The following MASP1 variants were observed in gnomAD, a reference collection of about 807,000 sequenced individuals.
The protein encoded by MASP1 is mannan-binding lectin serine protease 1.
A neutral mutation model predicts 77.1 loss-of-function variants in MASP1; 59 were observed. The ratio of observed to expected loss-of-function variants is 0.77; its 90% CI spans 0.62 to 0.95. The LOEUF (loss-of-function observed/expected upper bound fraction) is 0.95. Among genes scored for constraint, MASP1 ranks in the 40% least tolerant of loss-of-function variants. MASP1 has a pLI of 0.00. For missense variants in MASP1, 885 were observed against 912.9 expected (o/e 0.97, Z 0.39); for synonymous variants, 362 against 354.5 (o/e 1.02, Z -0.24).
chr3:187,251,586 G>T (rs1372252805), intron 7 of MASP1, 48 bp downstream of exon 7: 1 of 1,512,662 alleles, frequency 6.6e-7, no homozygotes, highest in Non-Finnish European at 9.2e-7. Flanking sequence ...CAGGTTTCGA[G>T]AGTTTCTGTG....
At position 187,234,698 on chromosome 3, in the gene MASP1, T is replaced by A; in HGVS notation, c.*986A>T. The stretch of plus-strand genomic sequence containing the variant: ...CTGGCAGGATTTGGGTGACTTCTAA[T>A]GTGCCCACCCCACTCTTTCTTCCAT... On this transcript the variant is annotated 3_prime_UTR_variant, in exon 11 of 11. Coordinates refer to ENST00000296280, the MANE Select transcript of MASP1 (RefSeq NM_139125.4). 1 of 1,287,162 alleles carries A rather than the reference T, an allele frequency of 7.8e-7. No individual in the cohort carries two copies. The highest frequency in any genetic ancestry group is 1.2e-5 in the South Asian group (1 of 80,928). 79.7% of individuals were successfully genotyped at this position (1,287,162 alleles called of 1,614,324 possible).
chr3:187,278,604 A>G (rs72549279), intron 2 of MASP1, among the ~76,000 whole-genome samples: 78 of 151,910 alleles, frequency 5.1e-4, no homozygotes, highest in African/African-American at 1.8e-3. Context: ...TGCACTCTAT[A>G]TCTTTCTAAA....
chr3:187,231,660 T>C (rs372710120), downstream of MASP1, among the ~76,000 whole-genome samples: 1 of 152,274 alleles, frequency 6.6e-6, no homozygotes, highest in Admixed American at 6.5e-5. Context: ...GAATTCGCTG[T>C]GCACTGTGGC....
chr3:187,285,779 TC>T (rs1560039441), intron 2 of MASP1, 45 bp downstream of exon 2: 1 of 1,470,092 alleles, frequency 6.8e-7, no homozygotes, highest in Admixed American at 1.7e-5. Context: ...CTTGTCTAAA[TC>T]CCAGAAGAGA....
rs756218404 is a variant in MASP1 at position 187,285,864 on chromosome 3, G to C, written c.198C>G (p.Asn66Lys). Residue 66 changes from asparagine to lysine, a missense_variant, in exon 2 of 11, where the codon AAC (asparagine) becomes AAG (lysine). By Grantham distance (94) the Asn-to-Lys change is moderately conservative. Coordinates refer to ENST00000296280, the MANE Select transcript of MASP1 (RefSeq NM_139125.4). ...ATTCACAAAGGTAGGAGGATTCCAAGTTGAAGTGCATGAAGTAAAGCTTGA... is the reference window on the plus strand; with the variant it reads ...ATTCACAAAGGTAGGAGGATTCCAACTTGAAGTGCATGAAGTAAAGCTTGA... ...FRIKLYFMHF[N>K]LESSYLCEYD... The C allele has an allele frequency of 6.2e-7, 1 of 1,614,176 alleles. No individual in the cohort carries two copies. Among genetic ancestry groups the C allele is most frequent in the South Asian group, 1.1e-5 (1 of 91,090 alleles).
At chr3:187,250,168 C>T in intron 8 of MASP1, 83 bp downstream of exon 8, 1 of 1,135,532 alleles carries the variant, frequency 8.8e-7, no homozygotes, top group Non-Finnish European at 1.3e-6. Context: ...TCCTGCCAAG[C>T]TTTCACCCTT....
chr3:187,219,044 G>A (rs1258387630), exon 16 of MASP1: 1 of 152,232 alleles, frequency 6.6e-6, no homozygotes, highest in East Asian at 1.9e-4. Context: ...TAGGAATAAG[G>A]AAGGATCCTT....
intron 4 of MASP1, among the ~76,000 whole-genome samples, chr3:187,260,347 C>A (rs544799936): frequency 1.3e-5 from 2 of 152,318 alleles, no homozygotes; most frequent in African/African-American, 4.8e-5. Flanking sequence ...TGTAGAGGAA[C>A]TTAGGGGCCA....
At chr3:187,284,622 C>A (rs1477754208) in intron 2 of MASP1, among the ~76,000 whole-genome samples, 1 of 152,180 alleles carries the variant, frequency 6.6e-6, no homozygotes, top group Non-Finnish European at 1.5e-5. Flanking sequence ...CCTTTGTATG[C>A]CTCTGCTGTA....
In MASP1 at chr3:187,285,865, T is replaced by C. The variant is rs777785533; in HGVS notation, c.197A>G (p.Asn66Ser). 3 of 1,614,164 alleles carry C rather than the reference T, an allele frequency of 1.9e-6. No individual in the cohort carries two copies. The highest frequency in any genetic ancestry group is 2.2e-5 in the South Asian group (2 of 91,084). The change falls in exon 2 of 11, where the codon AAC (asparagine) becomes AGC (serine). Residue 66 changes from asparagine (N) to serine (S), a missense_variant. Transcript: ENST00000296280. Reference protein sequence around the residue: ...FRIKLYFMHFNLESSYLCEYD... With the variant: ...FRIKLYFMHFSLESSYLCEYD... ...TTCACAAAGGTAGGAGGATTCCAAG[T>C]TGAAGTGCATGAAGTAAAGCTTGAT...
At chr3:187,285,055 TC>T (rs1381597015) in intron 2 of MASP1, among the ~76,000 whole-genome samples, 1 of 152,180 alleles carries the variant, frequency 6.6e-6, no homozygotes, top group Non-Finnish European at 1.5e-5. Flanking sequence ...GGTCTCCACG[TC>T]TTTTTTAACT....
chr3:187,246,219 T>G (rs948277190), intron 8 of MASP1: 7 of 241,728 alleles, frequency 2.9e-5, no homozygotes, highest in Admixed American at 1.3e-4. Context: ...GTTCTGGAAC[T>G]CTTCACTCAT....
chr3:187,273,442 G>C (rs542866750), intron 2 of MASP1, among the ~76,000 whole-genome samples: 19 of 152,316 alleles, frequency 1.2e-4, no homozygotes, highest in African/African-American at 4.1e-4. Context: ...CTGTCCACAA[G>C]AAGATGGCAT....
At chr3:187,254,579 C>T (rs538572044) in intron 5 of MASP1, among the ~76,000 whole-genome samples, 2 of 152,264 alleles carry the variant, frequency 1.3e-5, no homozygotes, top group South Asian at 2.1e-4. Flanking sequence ...CAAGTGCAAA[C>T]TCGATCGAAT....
chr3:187,220,762 T>C (rs1317922382), intron 15 of MASP1, among the ~76,000 whole-genome samples: 2 of 152,170 alleles, frequency 1.3e-5, no homozygotes, highest in Admixed American at 6.5e-5. Flanking sequence ...CCTCCCAAAG[T>C]GCTGGGATTA....
At chr3:187,254,848 C>T (rs558614094) in intron 5 of MASP1, among the ~76,000 whole-genome samples, 1 of 152,192 alleles carries the variant, frequency 6.6e-6, no homozygotes, top group Admixed American at 6.5e-5. Flanking sequence ...TCTTTGAGGG[C>T]CATGACTCCT....
At position 187,235,610 on chromosome 3, in the gene MASP1, T is replaced by C; in HGVS notation, c.*74A>G. On this transcript the variant is annotated 3_prime_UTR_variant, in exon 11 of 11. Coordinates refer to ENST00000296280, the MANE Select transcript of MASP1 (RefSeq NM_139125.4). ...GTTCCATTCCATATGGTCTGATAAG[T>C]AATGTGGAGTGTGCTGTCGGAAGTG... 1 of 1,603,664 alleles carries C rather than the reference T, an allele frequency of 6.2e-7. No individual in the cohort carries two copies. Among genetic ancestry groups the C allele is most frequent in the East Asian group, 2.2e-5 (1 of 44,774 alleles).
In MASP1 at chr3:187,255,742, C is replaced by G. The variant is rs572711022; in HGVS notation, c.744+922G>C. 5.3e-4 allele frequency among the ~76,000 whole-genome samples: 80 copies of G among 152,300 alleles called. 1 individual carries two copies. Among genetic ancestry groups the G allele is most frequent in the African/African-American group, 1.9e-3 (79 of 41,564 alleles). ...CTCTCTCACTGTTGACAGCTTTCTC[C>G]TGGGCAGTCTCATTTTCTGGCTCTT... On this transcript the variant is annotated intron_variant, in intron 5 of 10. Transcript: ENST00000296280.
rs1168236885 is a variant in MASP1 at position 187,223,125 on chromosome 3, A to T, written c.1809+2T>A. The T allele has an allele frequency of 1.2e-6, 2 of 1,613,450 alleles. No homozygotes were observed. The highest frequency in any genetic ancestry group is 3.3e-5 in the Admixed American group (2 of 60,004). Reference sequence around the variant, plus strand: ...GTCTGTAGGTTATAAAGTGAACTTCACCTCCATCAGGGTCTCTGGGAACCT... The same window carrying T: ...GTCTGTAGGTTATAAAGTGAACTTCTCCTCCATCAGGGTCTCTGGGAACCT... On this transcript the variant is annotated splice_donor_variant, in intron 14 of 15. Transcript: ENST00000337774. LOFTEE classifies it high-confidence loss of function.
Sources: gnomAD v4.1 joint callset for allele counts (sites outside exome capture counted in the v4.1 genomes callset) on GRCh38, gnomAD v4.1.1 for gene constraint, MANE v1.5 for transcripts, NCBI Gene and HGNC (gene_info 2026-07-23, HGNC 2026-07-21) for gene names.